VPS13A: variants seen among roughly 807,000 people sequenced by gnomAD.
VPS13A encodes the protein vacuolar protein sorting 13 homolog A.
A neutral mutation model predicts 390.9 loss-of-function variants in VPS13A; 264 were observed. That is an observed-to-expected ratio of 0.68 (90% confidence interval 0.61 to 0.75). VPS13A has a LOEUF of 0.75. VPS13A is among the 30% of genes least tolerant of loss of function. The probability of loss-of-function intolerance (pLI) is 0.00; values close to 1 mark genes in which losing one functional copy is unlikely to be tolerated. For synonymous variants in VPS13A, 1,231 were observed against 1,227.1 expected (o/e 1.00, Z -0.07); for missense variants, 3,409 against 3,733.9 (o/e 0.91, Z 2.27).
intron 68 of VPS13A, chr9:77,395,778 A>G (rs1485415310): frequency 6.6e-6 from 1 of 152,224 alleles, no homozygotes; most frequent in African/African-American, 2.4e-5. Flanking sequence ...CTCTTTGGCA[A>G]GACAAAATCT....
At chr9:77,214,810 T>C (rs527868892) in intron 10 of VPS13A, among the ~76,000 whole-genome samples, 10 of 152,330 alleles carry the variant, frequency 6.6e-5, no homozygotes, top group African/African-American at 2.4e-4. Context: ...TTTTCCAAAA[T>C]GAGCATCCAT....
At chr9:77,205,026 G>T (rs1313449148) in intron 3 of VPS13A, among the ~76,000 whole-genome samples, 1 of 152,158 alleles carries the variant, frequency 6.6e-6, no homozygotes, top group African/African-American at 2.4e-5. Context: ...AAGGGAAGAA[G>T]AACATTGTTT....
In VPS13A at chr9:77,260,073, C is replaced by A; in HGVS notation, c.2289-13C>A. ...TTCCTTTATAATTACTTATTTTTAT[C>A]TTTTCAAAACAGATTCAAGATTTAT... On this transcript the variant is annotated splice_polypyrimidine_tract_variant and intron_variant, in intron 22 of 71. Coordinates refer to ENST00000360280, the MANE Select transcript of VPS13A (RefSeq NM_033305.3). The A allele has an allele frequency of 7.0e-7, 1 of 1,426,380 alleles. No homozygotes were observed. Among genetic ancestry groups the A allele is most frequent in the Non-Finnish European group, 9.8e-7 (1 of 1,024,636 alleles). The allele number at this position is 1,426,380 out of a possible 1,614,324, so 88.4% of individuals were successfully genotyped here. A position where few individuals can be genotyped will look rare whatever the true frequency, so the allele number is the denominator to read the frequency against.
At chr9:77,374,391 G>A (rs116384025) in intron 67 of VPS13A, among the ~76,000 whole-genome samples, 2,216 of 152,162 alleles carry the variant, frequency 0.015, 51 homozygotes, top group African/African-American at 0.05. Flanking sequence ...CTGTAATACC[G>A]CAATAGTCAG....
chr9:77,371,312 T>A (rs1832734970), intron 67 of VPS13A, among the ~76,000 whole-genome samples, 163 bp downstream of exon 67: 1 of 152,142 alleles, frequency 6.6e-6, no homozygotes, highest in Non-Finnish European at 1.5e-5. Flanking sequence ...GAACAGAAAT[T>A]TATTGGCTCA....
At chr9:77,341,370 C>G (rs1024490219) in intron 50 of VPS13A, among the ~76,000 whole-genome samples, 1 of 152,152 alleles carries the variant, frequency 6.6e-6, no homozygotes, top group Non-Finnish European at 1.5e-5. Flanking sequence ...ATCTCTCTGG[C>G]TGCCTTCAGT....
intron 46 of VPS13A, among the ~76,000 whole-genome samples, chr9:77,334,246 CAGTT>C (rs369741809): frequency 1.6e-4 from 25 of 152,258 alleles, no homozygotes; most frequent in African/African-American, 6.0e-4. Flanking sequence ...GATAAGTTCA[CAGTT>C]AGATGGTTGC....
intron 35 of VPS13A, among the ~76,000 whole-genome samples, chr9:77,308,738 G>T (rs906126158): frequency 6.6e-6 from 1 of 152,144 alleles, no homozygotes; most frequent in African/African-American, 2.4e-5. Context: ...TGCTGCATAA[G>T]CATAAAGTTC....
chr9:77,299,835 A>G (rs1417276428), intron 33 of VPS13A, among the ~76,000 whole-genome samples: 3 of 152,148 alleles, frequency 2.0e-5, no homozygotes, highest in Non-Finnish European at 4.4e-5. Flanking sequence ...CAGAAAACCA[A>G]ATACCACCAC....
rs1832684743 is a variant in VPS13A, at chr9:77,370,424, C to G, written c.8753C>G (p.Ala2918Gly). ...AGATAATTTCTGTCAGGTGGATTGG[C>G]TGGTGCTGCCTCCAAAATCACCGGT... ...ALVGGAVGGL[A>G]GAASKITGAM... The change falls in exon 65 of 72, where the codon GCT becomes GGT. Residue 2918 changes from alanine to glycine, a missense_variant. Around this residue, in one of 5 missense-constraint regions of VPS13A, gnomAD observed 318 missense variants for 333.7 expected, o/e 0.95. Coordinates refer to ENST00000360280, the MANE Select transcript of VPS13A (RefSeq NM_033305.3). 1.2e-6 allele frequency: 2 copies of G among 1,614,112 alleles called. No individual in the cohort carries two copies. Among genetic ancestry groups the G allele is most frequent in the Non-Finnish European group, 1.7e-6 (2 of 1,180,018 alleles).
intron 45 of VPS13A, among the ~76,000 whole-genome samples, chr9:77,326,635 T>C (rs1587589603): frequency 6.6e-6 from 1 of 152,140 alleles, no homozygotes; most frequent in Admixed American, 6.5e-5. Flanking sequence ...TTTAGTGATA[T>C]TGGATATAAT....
rs746494606 is a variant in VPS13A, at chr9:77,221,187, G to A, written c.992G>A (p.Trp331Ter). Residue 331 changes from tryptophan (W) to a stop codon, truncating the protein, a stop_gained and splice_region_variant, in exon 13 of 72, where the codon TGG (tryptophan) becomes TAG (stop). Coordinates refer to ENST00000360280, the MANE Select transcript of VPS13A (RefSeq NM_033305.3). LOFTEE classifies it high-confidence loss of function. ...VPLHHHAREW[W>*]AYAIHGVLEV... is the part of the protein sequence containing the mutation. The stretch of plus-strand genomic sequence containing the variant: ...AATGTTTTTCTTTTTTTAACTAGGT[G>A]GGCTTATGCTATACATGGCGTTCTT... 1 of 1,613,080 alleles carries A rather than the reference G, an allele frequency of 6.2e-7. No homozygotes were observed. Among genetic ancestry groups the A allele is most frequent in the Non-Finnish European group, 8.5e-7 (1 of 1,179,378 alleles).
At chr9:77,401,371 GTGTA>G (rs1283646922) in intron 68 of VPS13A, among the ~76,000 whole-genome samples, 2 of 140,864 alleles carry the variant, frequency 1.4e-5, no homozygotes, top group African/African-American at 5.3e-5. Flanking sequence ...GTGTGTGTGT[GTGTA>G]AAAATTGGGA....
intron 52 of VPS13A, among the ~76,000 whole-genome samples, chr9:77,349,809 A>C (rs1272099631): frequency 6.6e-6 from 1 of 152,006 alleles, no homozygotes; most frequent in Non-Finnish European, 1.5e-5. Flanking sequence ...ATGCCCGGCT[A>C]ATTTTCATAT....
At chr9:77,255,394 G>A (rs1825382968) in intron 22 of VPS13A, among the ~76,000 whole-genome samples, 1 of 151,946 alleles carries the variant, frequency 6.6e-6, no homozygotes, top group South Asian at 2.1e-4. Flanking sequence ...TCTTATTCTA[G>A]GAATAAATTC....
intron 68 of VPS13A, chr9:77,384,846 A>C (rs1171206118): frequency 6.9e-7 from 1 of 1,446,038 alleles, no homozygotes; most frequent in Non-Finnish European, 9.0e-7. Flanking sequence ...TTATTTAAGC[A>C]CAGAAAAAAA....
chr9:77,207,252 T>TATATATATATAAAA, intron 5 of VPS13A, among the ~76,000 whole-genome samples: 1 of 87,274 alleles, frequency 1.1e-5, no homozygotes, highest in Non-Finnish European at 2.3e-5. Flanking sequence ...TATATATATA[T>TATATATATATAAAA]AAAACGTGTT....
chr9:77,215,114 T>C (rs1822780393), intron 10 of VPS13A, among the ~76,000 whole-genome samples: 1 of 152,180 alleles, frequency 6.6e-6, no homozygotes, highest in Admixed American at 6.5e-5. Flanking sequence ...CACTCCAGCC[T>C]GGGTGACAGA....
At chr9:77,336,778 T>C (rs1219918102) in intron 46 of VPS13A, among the ~76,000 whole-genome samples, 1 of 151,662 alleles carries the variant, frequency 6.6e-6, no homozygotes, top group Admixed American at 6.6e-5. Flanking sequence ...TTCCAGAAAG[T>C]TAAGATGATA....
Sources: gnomAD v4.1 joint callset for allele counts (sites outside exome capture counted in the v4.1 genomes callset) on GRCh38, gnomAD v4.1.1 for gene constraint, gnomAD v4.1.1 regional missense constraint, MANE v1.5 for transcripts, NCBI Gene and HGNC (gene_info 2026-07-23, HGNC 2026-07-21) for gene names.